The following CHN1 variants were observed in gnomAD, a reference collection of about 807,000 sequenced individuals.
CHN1 encodes N-chimaerin.
CHN1 carries 37 observed loss-of-function variants against 59.5 expected under a neutral mutation model. The observed-to-expected ratio is 0.62, with a 90% CI of 0.48 to 0.82. CHN1 has a LOEUF of 0.82. CHN1 is among the 40% of genes least tolerant of loss of function. CHN1 has a pLI of 0.00. For missense variants in CHN1, 469 were observed against 571.0 expected (o/e 0.82, Z 1.82); for synonymous variants, 206 against 200.4 (o/e 1.03, Z -0.24).
At chr2:174,984,854 G>A (rs1464525853) in intron 1 of CHN1, among the ~76,000 whole-genome samples, 1 of 152,032 alleles carries the variant, frequency 6.6e-6, no homozygotes. Context: ...ATACAAAATC[G>A]TTTTTAAAAA....
intron 6 of CHN1, chr2:174,847,462 G>A: frequency 8.5e-7 from 1 of 1,180,068 alleles, no homozygotes; most frequent in Non-Finnish European, 1.1e-6. Context: ...TAAAAGGCAT[G>A]CAATTTTGAC....
At chr2:174,949,409 C>G (rs1689948178) in intron 2 of CHN1, among the ~76,000 whole-genome samples, 1 of 152,148 alleles carries the variant, frequency 6.6e-6, no homozygotes, top group African/African-American at 2.4e-5. Context: ...CTCCATACCC[C>G]TTGGGCCCAA....
At chr2:174,886,386 T>A (rs1687894681) in intron 5 of CHN1, among the ~76,000 whole-genome samples, 1 of 152,188 alleles carries the variant, frequency 6.6e-6, no homozygotes, top group South Asian at 2.1e-4. Context: ...GAGTTGCCTT[T>A]CTCTTACCTA....
intron 3 of CHN1, among the ~76,000 whole-genome samples, chr2:174,941,360 T>C (rs1209934471): frequency 6.6e-6 from 1 of 152,200 alleles, no homozygotes; most frequent in Non-Finnish European, 1.5e-5. Flanking sequence ...TTCTAGGCCC[T>C]TTCCTTGGAC....
chr2:174,817,144 T>C (rs559710354), intron 8 of CHN1, among the ~76,000 whole-genome samples: 6 of 152,328 alleles, frequency 3.9e-5, no homozygotes, highest in African/African-American at 1.4e-4. Flanking sequence ...TTTTCCATTA[T>C]TGAAGATGTA....
intron 3 of CHN1, among the ~76,000 whole-genome samples, chr2:174,930,542 G>C (rs1424496003): frequency 6.6e-6 from 1 of 152,098 alleles, no homozygotes; most frequent in African/African-American, 2.4e-5. Context: ...TATGGGGGTT[G>C]GGGGGCAAGT....
intron 1 of CHN1, among the ~76,000 whole-genome samples, chr2:175,001,366 A>G (rs768346116): frequency 1.6e-4 from 25 of 152,234 alleles, no homozygotes; most frequent in Non-Finnish European, 2.8e-4. Context: ...GGACATTCCT[A>G]TGGGAAATCA....
At chr2:174,888,469 G>A (rs987321143) in intron 5 of CHN1, among the ~76,000 whole-genome samples, 1 of 152,144 alleles carries the variant, frequency 6.6e-6, no homozygotes, top group Non-Finnish European at 1.5e-5. Context: ...TATACTCAAG[G>A]AAGAAAGGGC....
At chr2:174,966,856 T>A (rs1690609268) in intron 1 of CHN1, among the ~76,000 whole-genome samples, 1 of 152,176 alleles carries the variant, frequency 6.6e-6, no homozygotes, top group South Asian at 2.1e-4. Context: ...TTCAAGATGA[T>A]GTTTAATTCC....
chr2:174,930,017 T>C (rs1378705552), intron 3 of CHN1, among the ~76,000 whole-genome samples: 1 of 152,194 alleles, frequency 6.6e-6, no homozygotes, highest in Non-Finnish European at 1.5e-5. Flanking sequence ...GGGGAAGTGG[T>C]CATGGATGCG....
intron 2 of CHN1, among the ~76,000 whole-genome samples, chr2:174,947,303 T>C (rs752895166): frequency 1.3e-5 from 2 of 152,140 alleles, no homozygotes; most frequent in African/African-American, 4.8e-5. Context: ...TCAAAGGGTA[T>C]ATAGTATTTT....
chr2:174,845,047 G>A (rs754145319), intron 7 of CHN1, among the ~76,000 whole-genome samples: 1 of 152,132 alleles, frequency 6.6e-6, no homozygotes, highest in African/African-American at 2.4e-5. Context: ...GAACTTTCCA[G>A]CTGTGTAGAA....
chr2:174,800,328 C>T, intron 12 of CHN1, 41 bp from the exon 13 acceptor site: 1 of 1,367,064 alleles, frequency 7.3e-7, no homozygotes, highest in Non-Finnish European at 9.5e-7. Flanking sequence ...TTTGTGTAAG[C>T]CATATGTTCT....
intron 1 of CHN1, among the ~76,000 whole-genome samples, chr2:174,959,379 T>C (rs1370569832): frequency 6.6e-6 from 1 of 152,178 alleles, no homozygotes; most frequent in East Asian, 1.9e-4. Flanking sequence ...TTCCTTTAGT[T>C]GACCAGTGGG....
chr2:174,845,315 T>C (rs1052992327), intron 7 of CHN1, among the ~76,000 whole-genome samples: 1 of 152,174 alleles, frequency 6.6e-6, no homozygotes, highest in Non-Finnish European at 1.5e-5. Context: ...GTACATACAA[T>C]TTCCTCTTTA....
chr2:174,863,667 G>A (rs1687130845), intron 6 of CHN1, among the ~76,000 whole-genome samples: 1 of 151,884 alleles, frequency 6.6e-6, no homozygotes, highest in African/African-American at 2.4e-5. Context: ...AAGTGTAAAG[G>A]GGTCCTGACT....
chr2:174,922,014 G>A (rs757351295), intron 3 of CHN1, among the ~76,000 whole-genome samples: 4 of 152,042 alleles, frequency 2.6e-5, no homozygotes, highest in Non-Finnish European at 4.4e-5. Flanking sequence ...TTATCTTCCC[G>A]AGGTAAGTTC....
chr2:174,908,757 G>A (rs1688610646), intron 5 of CHN1, among the ~76,000 whole-genome samples: 1 of 152,040 alleles, frequency 6.6e-6, no homozygotes, highest in Admixed American at 6.6e-5. Context: ...TTCAGAATCT[G>A]GAGAATTATT....
chr2:174,994,875 T>A (rs1045351262), intron 1 of CHN1, among the ~76,000 whole-genome samples: 1 of 151,456 alleles, frequency 6.6e-6, no homozygotes, highest in Non-Finnish European at 1.5e-5. Context: ...CTAGGGAATT[T>A]GGACTTAATG....
Sources: gnomAD v4.1 joint callset for allele counts (sites outside exome capture counted in the v4.1 genomes callset) on GRCh38, gnomAD v4.1.1 for gene constraint, MANE v1.5 for transcripts, NCBI Gene and HGNC (gene_info 2026-07-23, HGNC 2026-07-21) for gene names.